Variants in KLHL6 observed in about 807,000 individuals in gnomAD.
KLHL6 encodes the protein kelch-like protein 6.
In KLHL6, 41 loss-of-function variants were observed where a neutral mutation model predicts 58.6. That is an observed-to-expected ratio of 0.70 (90% CI 0.55 to 0.91). KLHL6 has a LOEUF of 0.91. Among genes scored for constraint, KLHL6 ranks in the 40% least tolerant of loss-of-function variants. The pLI, the probability that KLHL6 is intolerant of heterozygous loss-of-function variation, is 0.00. For missense variants in KLHL6, 714 were observed against 805.6 expected (o/e 0.89, Z 1.38); for synonymous variants, 338 against 322.7 (o/e 1.05, Z -0.51).
chr3:183,538,131 C>T (rs1029210976), intron 1 of KLHL6, among the ~76,000 whole-genome samples: 6 of 152,134 alleles, frequency 3.9e-5, no homozygotes, highest in Admixed American at 1.3e-4. Context: ...ATCACACTCC[C>T]GAGTCCAGGG....
intron 1 of KLHL6, among the ~76,000 whole-genome samples, chr3:183,553,807 G>A (rs1185508258): frequency 6.6e-6 from 1 of 152,062 alleles, no homozygotes; most frequent in Admixed American, 6.6e-5. Context: ...TCATCATGCT[G>A]TTACAAAAAT....
At chr3:183,544,749 A>AACACACACACACACACACACACAC (rs36060782) in intron 1 of KLHL6, 2 of 114,714 alleles carry the variant, frequency 1.7e-5, no homozygotes, top group South Asian at 3.2e-4. Flanking sequence ...CTGTCTCTCA[A>AACACACACACACACACACACACAC]ACACACACAC....
At chr3:183,535,154 A>G (rs551395427) in intron 1 of KLHL6, among the ~76,000 whole-genome samples, 1 of 152,218 alleles carries the variant, frequency 6.6e-6, no homozygotes, top group African/African-American at 2.4e-5. Flanking sequence ...TATGTTGGTC[A>G]GGCTGGTCTC....
intron 1 of KLHL6, among the ~76,000 whole-genome samples, chr3:183,549,665 C>T (rs539182276): frequency 1.1e-4 from 16 of 152,286 alleles, no homozygotes; most frequent in South Asian, 6.2e-4. Flanking sequence ...TGTGCCACCA[C>T]GCCCAGCTAA....
At position 183,533,270 on chromosome 3, in the gene KLHL6, T is replaced by TTTCC. The variant is rs376539158; in HGVS notation, c.294-5264_294-5261dup. Among the ~76,000 whole-genome samples the TTTCC allele has an allele frequency of 3.3e-4, 50 of 150,392 alleles. No homozygotes were observed. The South Asian group carries it at 4.0e-3, about 12-fold the overall frequency. On this transcript the variant is annotated intron_variant, in intron 1 of 6. Transcript: ENST00000341319. ...CATCAGTTCTTTCCTTCCTTCCTTC[T>TTTCC]TTCCTTCCTTCCTTCCTTCCCTCTT... is the stretch of plus-strand genomic sequence containing the variant.
At chr3:183,509,811 C>T (rs1219493194) in intron 2 of KLHL6, among the ~76,000 whole-genome samples, 1 of 152,178 alleles carries the variant, frequency 6.6e-6, no homozygotes, top group African/African-American at 2.4e-5. Context: ...CCCACAGAAA[C>T]AGGTCTCATG....
rs527696210 is a variant in KLHL6 at position 183,542,409 on chromosome 3, C to T, written c.293+12952G>A. ...TGTGCATGTCCTTTATTTCAACCTA[C>T]TCTTCTACCTGTGGTTACACTGCGT... is the stretch of plus-strand genomic sequence containing the variant. On this transcript the variant is annotated intron_variant, in intron 1 of 6. Coordinates refer to ENST00000341319, the MANE Select transcript of KLHL6 (RefSeq NM_130446.4). Among the ~76,000 whole-genome samples, 87 of 152,272 alleles carry T rather than the reference C, an allele frequency of 5.7e-4. 1 individual carries two copies. Among genetic ancestry groups the T allele is most frequent in the African/African-American group, 2.0e-3 (82 of 41,554 alleles).
chr3:183,492,515 G>C lies in KLHL6; in HGVS notation c.1543C>G (p.Arg515Gly). ...EAKCINAVSF[R>G]DRIYVVGGAM... ...TCACCAACGACATAGATGCGGTCCC[G>C]GAAACTCACTGCATTGATGCATTTA... Residue 515 changes from arginine to glycine, a missense_variant, in exon 6 of 7, where the codon CGG becomes GGG. Arg to Gly is a moderately radical substitution (Grantham distance 125). Transcript: ENST00000341319. This position sits in a 1 kb window ranked among gnomAD's most constrained non-coding sequence, Gnocchi z 5.9. 1 of 1,614,174 alleles carries C rather than the reference G, an allele frequency of 6.2e-7. No individual in the cohort carries two copies. The highest frequency in any genetic ancestry group is 8.5e-7 in the Non-Finnish European group (1 of 1,180,030).
intron 1 of KLHL6, among the ~76,000 whole-genome samples, chr3:183,551,702 A>G (rs1004180423): frequency 1.3e-5 from 2 of 152,228 alleles, no homozygotes; most frequent in African/African-American, 2.4e-5. Context: ...AAAGAGCAGT[A>G]TAAGTGTATT....
Position 183,494,096 on chromosome 3 carries a change from G to C in KLHL6, c.1333C>G (p.His445Asp). The change falls in exon 5 of 7, where the codon CAC becomes GAC. Residue 445 changes from histidine (H) to aspartate (D), a missense_variant. Physicochemically the swap from His to Asp is moderately conservative, Grantham distance 81. This residue lies in a region of KLHL6 where 510 missense variants were observed against 629.7 expected (regional missense o/e 0.81). Transcript: ENST00000341319. ...TCCTATACCTCTGACCAGCAGTTGTGAAAGGGGTCGTAGGTCTCCACATTG... is the reference window on the plus strand; with the variant it reads ...TCCTATACCTCTGACCAGCAGTTGTCAAAGGGGTCGTAGGTCTCCACATTG... ...INNVETYDPF[H>D]NCWSEAAPLL... 2 of 1,614,116 alleles carry C rather than the reference G, an allele frequency of 1.2e-6. No homozygotes were observed. Among genetic ancestry groups the C allele is most frequent in the Non-Finnish European group, 1.7e-6 (2 of 1,179,966 alleles).
chr3:183,540,931 G>A (rs985752644), intron 1 of KLHL6, among the ~76,000 whole-genome samples: 35 of 152,066 alleles, frequency 2.3e-4, no homozygotes, highest in African/African-American at 8.2e-4. Flanking sequence ...TGCGCTCGCC[G>A]TCCACCACCA....
At chr3:183,503,941 G>T (rs35237042) in intron 3 of KLHL6, among the ~76,000 whole-genome samples, 15,198 of 152,100 alleles carry the variant, frequency 0.1, 2,105 homozygotes, top group African/African-American at 0.3. Flanking sequence ...ATTCCAGCAG[G>T]GAGCAGACTG....
At chr3:183,533,310 TTCTC>T (rs1257760396) in intron 1 of KLHL6, among the ~76,000 whole-genome samples, 3 of 150,692 alleles carry the variant, frequency 2.0e-5, no homozygotes, top group African/African-American at 7.5e-5. Context: ...TCTTCTTTCT[TTCTC>T]TCTTTTTCTT....
At chr3:183,541,862 A>G (rs562862220) in intron 1 of KLHL6, among the ~76,000 whole-genome samples, 3 of 152,332 alleles carry the variant, frequency 2.0e-5, no homozygotes, top group East Asian at 3.9e-4. Flanking sequence ...GCTTTGCTCT[A>G]AAACGGGATA....
chr3:183,527,290 A>C (rs1712004974), intron 2 of KLHL6, among the ~76,000 whole-genome samples: 1 of 152,232 alleles, frequency 6.6e-6, no homozygotes, highest in Non-Finnish European at 1.5e-5. Context: ...ACTTTTGTAC[A>C]TTAAAAAAGC....
In KLHL6 at chr3:183,494,066, T is replaced by A. The variant is rs138883646; in HGVS notation, c.1350+13A>T. ...TAATACAGGCAGTTACTGGTAGAAA[T>A]CGTGTCCTATACCTCTGACCAGCAG... On this transcript the variant is annotated intron_variant, in intron 5 of 6. Coordinates refer to ENST00000341319, the MANE Select transcript of KLHL6 (RefSeq NM_130446.4). The A allele has an allele frequency of 5.5e-4, 893 of 1,610,368 alleles. 5 individuals carry two copies. In the African/African-American group the frequency reaches 0.01, roughly 18 times the overall value.
At chr3:183,524,390 A>G (rs191870889) in intron 2 of KLHL6, among the ~76,000 whole-genome samples, 1 of 152,292 alleles carries the variant, frequency 6.6e-6, no homozygotes, top group Admixed American at 6.5e-5. Flanking sequence ...TCCAAAAACT[A>G]GTTGGGGAAA....
chr3:183,543,564 T>C (rs2108694678), intron 1 of KLHL6, among the ~76,000 whole-genome samples: 1 of 152,340 alleles, frequency 6.6e-6, no homozygotes, highest in Non-Finnish European at 1.5e-5. Flanking sequence ...TCCTATTTTT[T>C]TGTGTTGCGT....
intron 2 of KLHL6, among the ~76,000 whole-genome samples, chr3:183,515,065 C>A (rs956936927): frequency 6.6e-6 from 1 of 152,184 alleles, no homozygotes; most frequent in Non-Finnish European, 1.5e-5. Context: ...AACATTTGCA[C>A]ATGTGGCATT....
Sources: gnomAD v4.1 joint callset for allele counts (sites outside exome capture counted in the v4.1 genomes callset) on GRCh38, gnomAD v4.1.1 for gene constraint, gnomAD v4.1.1 regional missense constraint, Gnocchi (gnomAD v3.1) non-coding constraint, MANE v1.5 for transcripts, NCBI Gene and HGNC (gene_info 2026-07-23, HGNC 2026-07-21) for gene names.